KHDRBS3: variants seen among roughly 807,000 people sequenced by gnomAD.
The protein encoded by KHDRBS3 is KH RNA binding domain containing, signal transduction associated 3, also known as KH domain-containing, RNA-binding, signal transduction-associated protein 3.
Under a neutral mutation model 45.6 loss-of-function variants are expected in KHDRBS3, and 23 were observed. That is an observed-to-expected ratio of 0.50 (90% CI 0.36 to 0.72). The LOEUF is 0.72. Ranked by LOEUF, KHDRBS3 falls within the 30% of genes least tolerant of loss-of-function variation. KHDRBS3 has a pLI of 0.00. For missense variants in KHDRBS3, 352 were observed against 424.8 expected (o/e 0.83, Z 1.51); for synonymous variants, 162 against 156.5 (o/e 1.04, Z -0.26).
At chr8:135,544,336 A>G (rs1336068566) in intron 3 of KHDRBS3, among the ~76,000 whole-genome samples, 1 of 152,180 alleles carries the variant, frequency 6.6e-6, no homozygotes, top group African/African-American at 2.4e-5. Context: ...GAAACAAGGA[A>G]GGCAAAGCTT....
At chr8:135,591,111 C>T (rs972672184) in intron 6 of KHDRBS3, among the ~76,000 whole-genome samples, 1 of 152,152 alleles carries the variant, frequency 6.6e-6, no homozygotes, top group African/African-American at 2.4e-5. Context: ...TTGGTAGTGC[C>T]TACTTAAGAG....
chr8:135,587,007 C>G (rs1828506514), intron 6 of KHDRBS3, among the ~76,000 whole-genome samples: 1 of 152,214 alleles, frequency 6.6e-6, no homozygotes, highest in East Asian at 1.9e-4. Context: ...TAGTTTTAGG[C>G]CCAAGAAAAA....
At chr8:135,596,020 A>T (rs1251898881) in intron 6 of KHDRBS3, among the ~76,000 whole-genome samples, 1 of 152,130 alleles carries the variant, frequency 6.6e-6, no homozygotes, top group African/African-American at 2.4e-5. Flanking sequence ...TAAAATGGTT[A>T]AAAAAATAAT....
At chr8:135,487,962 AATC>A (rs1220421406) in intron 1 of KHDRBS3, among the ~76,000 whole-genome samples, 4 of 151,674 alleles carry the variant, frequency 2.6e-5, no homozygotes, top group Non-Finnish European at 5.9e-5. Flanking sequence ...AATTATATCA[AATC>A]ATTGTTAAAA....
intron 1 of KHDRBS3, among the ~76,000 whole-genome samples, chr8:135,518,019 A>G (rs1824705888): frequency 6.6e-6 from 1 of 152,184 alleles, no homozygotes; most frequent in African/African-American, 2.4e-5. Flanking sequence ...CTTAATTCCT[A>G]ATTTTTAAAA....
At chr8:135,653,534 G>C (rs1301504410) in intron 4 of KHDRBS3, among the ~76,000 whole-genome samples, 1 of 152,208 alleles carries the variant, frequency 6.6e-6, no homozygotes, top group Non-Finnish European at 1.5e-5. Flanking sequence ...GCTAGCCATA[G>C]TGGTATGATA....
At chr8:135,615,915 G>T (rs1829895592) in intron 7 of KHDRBS3, among the ~76,000 whole-genome samples, 1 of 152,176 alleles carries the variant, frequency 6.6e-6, no homozygotes. Context: ...TGAGAAGCAA[G>T]ACTGAGCTTC....
chr8:135,624,305 C>T (rs974381110), intron 7 of KHDRBS3, among the ~76,000 whole-genome samples: 1 of 152,156 alleles, frequency 6.6e-6, no homozygotes, highest in African/African-American at 2.4e-5. Flanking sequence ...AGAAGAGAAA[C>T]ATGGTAAATG....
intron 1 of KHDRBS3, among the ~76,000 whole-genome samples, chr8:135,518,776 A>G (rs576132414): frequency 1.9e-5 from 1 of 53,598 alleles, no homozygotes; most frequent in South Asian, 6.5e-4. Context: ...ACAATTTTCA[A>G]ACTGTGTGTG....
intron 7 of KHDRBS3, among the ~76,000 whole-genome samples, chr8:135,616,561 T>C (rs192326145): frequency 1.3e-5 from 2 of 152,228 alleles, no homozygotes; most frequent in African/African-American, 4.8e-5. Flanking sequence ...GGAGATGTAC[T>C]ACATCATTTG....
intron 7 of KHDRBS3, among the ~76,000 whole-genome samples, chr8:135,616,455 A>G (rs1829920593): frequency 6.6e-6 from 1 of 152,176 alleles, no homozygotes; most frequent in Non-Finnish European, 1.5e-5. Flanking sequence ...ATCAATTGCC[A>G]CTGTCACTTT....
intron 1 of KHDRBS3, among the ~76,000 whole-genome samples, chr8:135,507,932 T>A (rs1362505899): frequency 6.6e-6 from 1 of 152,230 alleles, no homozygotes; most frequent in Non-Finnish European, 1.5e-5. Context: ...GTTTTGCTTT[T>A]AAAAAGTGTT....
intron 7 of KHDRBS3, among the ~76,000 whole-genome samples, chr8:135,635,306 A>G (rs557603592): frequency 2.0e-5 from 3 of 152,356 alleles, no homozygotes; most frequent in South Asian, 2.1e-4. Flanking sequence ...GCAAGGGGAA[A>G]GCAGCCCTTT....
chr8:135,625,697 T>G, intron 7 of KHDRBS3: 1 of 792,802 alleles, frequency 1.3e-6, no homozygotes, highest in Non-Finnish European at 2.3e-6. Flanking sequence ...CTTTTACTAA[T>G]TTGTCCACAG....
At chr8:135,624,392 T>G (rs1045776851) in intron 7 of KHDRBS3, among the ~76,000 whole-genome samples, 6 of 152,214 alleles carry the variant, frequency 3.9e-5, no homozygotes, top group Non-Finnish European at 7.3e-5. Flanking sequence ...CAAAAGTAGT[T>G]GTTAGATTAA....
intron 1 of KHDRBS3, among the ~76,000 whole-genome samples, chr8:135,461,485 C>A (rs1210612581): frequency 6.6e-6 from 1 of 152,110 alleles, no homozygotes; most frequent in Non-Finnish European, 1.5e-5. Context: ...GCTTTGGGAT[C>A]CCACTCCGGA....
At chr8:135,505,056 A>G (rs927790836) in intron 1 of KHDRBS3, among the ~76,000 whole-genome samples, 1 of 152,216 alleles carries the variant, frequency 6.6e-6, no homozygotes, top group Non-Finnish European at 1.5e-5. Context: ...GCTGATGCCC[A>G]GGAAAGCTTG....
chr8:135,560,479 A>T (rs911423040), intron 5 of KHDRBS3, among the ~76,000 whole-genome samples: 1 of 152,142 alleles, frequency 6.6e-6, no homozygotes, highest in Non-Finnish European at 1.5e-5. Flanking sequence ...TGGAGAATCG[A>T]GCACATCCGC....
At chr8:135,554,934 T>C (rs1826798950) in intron 4 of KHDRBS3, among the ~76,000 whole-genome samples, 2 of 152,348 alleles carry the variant, frequency 1.3e-5, no homozygotes, top group South Asian at 4.1e-4. Context: ...TAAAATCCTC[T>C]GTTCCTCCCT....
Sources: gnomAD v4.1 joint callset for allele counts (sites outside exome capture counted in the v4.1 genomes callset) on GRCh38, gnomAD v4.1.1 for gene constraint, MANE v1.5 for transcripts, NCBI Gene and HGNC (gene_info 2026-07-23, HGNC 2026-07-21) for gene names.